Variants in LRP1B observed in about 807,000 individuals in gnomAD.
The protein encoded by LRP1B is LDL receptor related protein 1B.
In LRP1B, 217 loss-of-function variants were observed where a neutral mutation model predicts 556.6. The observed-to-expected ratio is 0.39, with a 90% CI of 0.35 to 0.44. The LOEUF (loss-of-function observed/expected upper bound fraction) is 0.44. LRP1B is among the 20% of genes least tolerant of loss of function. The pLI is 1.00. For missense variants in LRP1B, 5,053 were observed against 5,620.8 expected (o/e 0.90, Z 3.23); for synonymous variants, 2,047 against 1,865.8 (o/e 1.10, Z -2.50).
At chr2:141,400,273 C>T (rs534256988) in intron 3 of LRP1B, among the ~76,000 whole-genome samples, 3 of 152,318 alleles carry the variant, frequency 2.0e-5, no homozygotes, top group South Asian at 4.1e-4. Context: ...GCCACTGTGC[C>T]TGGCCTTCAC....
At chr2:140,375,327 G>A (rs968891983) in intron 68 of LRP1B, among the ~76,000 whole-genome samples, 2 of 151,542 alleles carry the variant, frequency 1.3e-5, no homozygotes, top group African/African-American at 4.8e-5. Context: ...AATCTCAGAT[G>A]TTAGCAGCTC....
intron 32 of LRP1B, among the ~76,000 whole-genome samples, chr2:140,798,889 T>G (rs1000171653): frequency 2.6e-5 from 4 of 152,036 alleles, no homozygotes; most frequent in Non-Finnish European, 5.9e-5. Context: ...ATCAATCCAG[T>G]TTTCAGAGGT....
At chr2:141,719,520 A>G (rs979063973) in intron 2 of LRP1B, among the ~76,000 whole-genome samples, 2 of 152,114 alleles carry the variant, frequency 1.3e-5, no homozygotes, top group Non-Finnish European at 2.9e-5. Context: ...AACTATAACA[A>G]TATTTGTCAA....
intron 1 of LRP1B, among the ~76,000 whole-genome samples, chr2:141,939,745 C>T (rs1179846444): frequency 6.6e-6 from 1 of 151,950 alleles, no homozygotes; most frequent in Non-Finnish European, 1.5e-5. Flanking sequence ...ACTGTTTCAT[C>T]GATGTCATGT....
intron 23 of LRP1B, among the ~76,000 whole-genome samples, chr2:140,889,480 G>C (rs1415648905): frequency 6.6e-6 from 1 of 152,122 alleles, no homozygotes; most frequent in Non-Finnish European, 1.5e-5. Flanking sequence ...ATTTTTAGTA[G>C]AGACAGGGTT....
At chr2:140,770,342 A>G (rs1319809049) in intron 34 of LRP1B, among the ~76,000 whole-genome samples, 7 of 152,010 alleles carry the variant, frequency 4.6e-5, no homozygotes, top group African/African-American at 1.4e-4. Flanking sequence ...AAATTAACCT[A>G]TGATCATTAG....
At chr2:140,973,937 A>C (rs1471373952) in intron 18 of LRP1B, among the ~76,000 whole-genome samples, 1 of 152,182 alleles carries the variant, frequency 6.6e-6, no homozygotes, top group African/African-American at 2.4e-5. Context: ...TAAGATTATT[A>C]AAATTCAAGT....
At chr2:140,757,907 A>G (rs976348641) in intron 35 of LRP1B, among the ~76,000 whole-genome samples, 1 of 152,164 alleles carries the variant, frequency 6.6e-6, no homozygotes, top group African/African-American at 2.4e-5. Context: ...TTAAAAAGGG[A>G]AAAGTGGTTG....
chr2:141,477,333 A>AGGTAACGT (rs1409963377), intron 3 of LRP1B, among the ~76,000 whole-genome samples: 6 of 152,004 alleles, frequency 3.9e-5, no homozygotes, highest in Non-Finnish European at 8.8e-5. Context: ...CCAAAAAGAA[A>AGGTAACGT]GGTAACGTTT....
chr2:140,887,886 C>T lies in LRP1B; in HGVS notation c.3767-1551G>A, dbSNP rs372543710. Among the ~76,000 whole-genome samples the T allele has an allele frequency of 1.7e-4, 26 of 151,972 alleles. No individual in the cohort carries two copies. In the South Asian group the frequency reaches 2.7e-3, roughly 16 times the overall value. On this transcript the variant is annotated intron_variant, in intron 23 of 90. Transcript: ENST00000389484. ...AAAATAGATCAGTGGTTTCTAGGGC[C>T]GAGGGTAGGTATTAACAGGAAGTGA...
intron 2 of LRP1B, among the ~76,000 whole-genome samples, chr2:141,523,282 T>C (rs1684587390): frequency 6.6e-6 from 1 of 152,134 alleles, no homozygotes; most frequent in African/African-American, 2.4e-5. Flanking sequence ...AAATTGAGTC[T>C]TGAGTTTTTG....
At chr2:140,274,745 A>G (rs899889149) in intron 84 of LRP1B, 147 bp from the exon 85 acceptor site, 78 of 636,076 alleles carry the variant, frequency 1.2e-4, no homozygotes, top group Non-Finnish European at 1.6e-4. Context: ...CATGAAGTAG[A>G]ATTCTTTAAT....
At chr2:140,568,949 A>G (rs1294791352) in intron 43 of LRP1B, among the ~76,000 whole-genome samples, 2 of 152,106 alleles carry the variant, frequency 1.3e-5, no homozygotes, top group Non-Finnish European at 2.9e-5. Context: ...AAATGAGGGA[A>G]TTCATTATCA....
chr2:140,415,119 ACT>A (rs1685132442), intron 66 of LRP1B, among the ~76,000 whole-genome samples: 1 of 151,518 alleles, frequency 6.6e-6, no homozygotes, highest in South Asian at 2.1e-4. Flanking sequence ...GTGGGGAAAA[ACT>A]CTGCCCTGGT....
intron 1 of LRP1B, among the ~76,000 whole-genome samples, chr2:141,885,545 A>G (rs1699085498): frequency 1.3e-5 from 2 of 152,318 alleles, no homozygotes; most frequent in South Asian, 2.1e-4. Flanking sequence ...AGGTGCTGGC[A>G]TGGTGGTGGT....
intron 2 of LRP1B, among the ~76,000 whole-genome samples, chr2:141,671,536 C>G (rs1022940074): frequency 6.6e-6 from 1 of 152,102 alleles, no homozygotes; most frequent in Non-Finnish European, 1.5e-5. Flanking sequence ...TGTGTTTATA[C>G]CTGACAATGG....
chr2:141,077,797 G>C (rs867653107), intron 7 of LRP1B, among the ~76,000 whole-genome samples: 2 of 152,048 alleles, frequency 1.3e-5, no homozygotes. Context: ...TTTCTTAAAA[G>C]AAATCTCTCT....
chr2:141,421,401 C>A (rs1400108659), intron 3 of LRP1B, among the ~76,000 whole-genome samples: 1 of 150,308 alleles, frequency 6.7e-6, no homozygotes, highest in South Asian at 2.1e-4. Context: ...TAGTGGCGGG[C>A]GCCTGTAGTC....
chr2:140,651,674 A>G (rs1297586750), intron 41 of LRP1B, among the ~76,000 whole-genome samples: 1 of 152,142 alleles, frequency 6.6e-6, no homozygotes, highest in African/African-American at 2.4e-5. Flanking sequence ...TCATCGAACC[A>G]GATTTTAGGA....
Sources: gnomAD v4.1 joint callset for allele counts (sites outside exome capture counted in the v4.1 genomes callset) on GRCh38, gnomAD v4.1.1 for gene constraint, MANE v1.5 for transcripts, NCBI Gene and HGNC (gene_info 2026-07-23, HGNC 2026-07-21) for gene names.